LMAN1: variants seen among roughly 807,000 people sequenced by gnomAD.
The protein encoded by LMAN1 is protein ERGIC-53.
Under a neutral mutation model 67.8 loss-of-function variants are expected in LMAN1, and 32 were observed. The observed-to-expected ratio is 0.47, with a 90% confidence interval of 0.36 to 0.63. The LOEUF is 0.63. LMAN1 is among the 30% of genes least tolerant of loss of function. LMAN1 has a pLI of 0.00. For synonymous variants in LMAN1, 235 were observed against 219.3 expected (o/e 1.07, Z -0.63); for missense variants, 632 against 628.2 (o/e 1.01, Z -0.06).
At chr18:59,338,728 A>C (rs1008050264) in intron 9 of LMAN1, 32 bp downstream of exon 9, 2 of 1,612,112 alleles carry the variant, frequency 1.2e-6, no homozygotes, top group African/African-American at 1.3e-5. Flanking sequence ...CAAAGGGTAA[A>C]TGGGGCACAT....
chr18:59,353,146 G>T, intron 5 of LMAN1, 56 bp downstream of exon 5: 1 of 1,422,846 alleles, frequency 7.0e-7, no homozygotes, highest in South Asian at 1.1e-5. Flanking sequence ...AATTCAAAAT[G>T]AAAAGTGATA....
chr18:59,347,028 A>G (rs771235703), intron 7 of LMAN1, among the ~76,000 whole-genome samples: 36 of 151,888 alleles, frequency 2.4e-4, no homozygotes, highest in Non-Finnish European at 4.9e-4. Flanking sequence ...CAGGAGATCG[A>G]GACCATCCTG....
In LMAN1 at chr18:59,349,195, A is replaced by G; in HGVS notation, c.681T>C (p.Tyr227=). The change falls in exon 6 of 13, where the codon TAT becomes TAC. Residue 227 remains tyrosine, a synonymous_variant. Transcript: ENST00000251047. Reference sequence around the variant, plus strand: ...TATTTTCCACTTTGGCACAAAATTCATAATCATTTTTATCTGGTGTAAAGC... The same window carrying G: ...TATTTTCCACTTTGGCACAAAATTCGTAATCATTTTTATCTGGTGTAAAGC... ...NNGFTPDKND[Y]EFCAKVENMI... The G allele has an allele frequency of 1.2e-6, 2 of 1,613,638 alleles. No homozygotes were observed. Among genetic ancestry groups the G allele is most frequent in the African/African-American group, 1.3e-5 (1 of 75,040 alleles).
chr18:59,333,266 T>TA, intron 10 of LMAN1, 22 bp from the exon 11 acceptor site: 1 of 1,607,704 alleles, frequency 6.2e-7, no homozygotes, highest in Non-Finnish European at 8.5e-7. Context: ...AGTCTCTTGA[T>TA]ACAATAAAAT....
chr18:59,339,758 GC>G (rs1908246182), intron 8 of LMAN1, among the ~76,000 whole-genome samples: 1 of 152,098 alleles, frequency 6.6e-6, no homozygotes, highest in African/African-American at 2.4e-5. Flanking sequence ...GGTCCCTCCT[GC>G]CTTGCTGAAG....
rs368119592 is a variant in LMAN1 at position 59,345,129 on chromosome 18, A to G, written c.955+790T>C. 8.2e-4 allele frequency among the ~76,000 whole-genome samples: 125 copies of G among 152,330 alleles called. 1 individual carries two copies. The East Asian group carries it at 0.016, about 19-fold the overall frequency. On this transcript the variant is annotated intron_variant, in intron 8 of 12. Transcript: ENST00000251047. ...CAAATTCAAAATAAGAATGACCTTT[A>G]TGTTTCATTTTTAAATTCATTAAGT...
intron 10 of LMAN1, chr18:59,333,531 G>T: frequency 3.2e-6 from 1 of 315,622 alleles, no homozygotes; most frequent in Non-Finnish European, 5.9e-6. Context: ...TGAATATAAT[G>T]GATGATATTT....
chr18:59,352,957 C>T (rs970735436), intron 5 of LMAN1: 13 of 429,028 alleles, frequency 3.0e-5, no homozygotes, highest in African/African-American at 2.6e-4. Context: ...ATATATATCT[C>T]TCACATGTGC....
At chr18:59,345,764 G>T (rs1258806062) in intron 8 of LMAN1, among the ~76,000 whole-genome samples, 155 bp downstream of exon 8, 1 of 152,110 alleles carries the variant, frequency 6.6e-6, no homozygotes, top group Non-Finnish European at 1.5e-5. Context: ...GACTCTTAAA[G>T]ACTAAAGATT....
At chr18:59,346,669 C>T (rs1300245923) in intron 7 of LMAN1, among the ~76,000 whole-genome samples, 1 of 151,408 alleles carries the variant, frequency 6.6e-6, no homozygotes, top group Non-Finnish European at 1.5e-5. Context: ...TATAGGTGTG[C>T]ACCACCACAC....
chr18:59,333,082 C>G lies in LMAN1; in HGVS notation c.1374+9G>C. ...TTATAATTATAAAAGGAAAAGGAAACAAAGTTACCATATTTCGCTGCACTA... is the reference window on the plus strand; with the variant it reads ...TTATAATTATAAAAGGAAAAGGAAAGAAAGTTACCATATTTCGCTGCACTA... On this transcript the variant is annotated intron_variant, in intron 11 of 12. Transcript: ENST00000251047. The G allele has an allele frequency of 6.2e-7, 1 of 1,609,512 alleles. No individual in the cohort carries two copies. The highest frequency in any genetic ancestry group is 1.3e-5 in the African/African-American group (1 of 74,874).
chr18:59,344,924 G>C (rs776952157), intron 8 of LMAN1, among the ~76,000 whole-genome samples: 4 of 152,194 alleles, frequency 2.6e-5, no homozygotes, highest in Non-Finnish European at 4.4e-5. Flanking sequence ...CTGTGGAGAA[G>C]GTTGTTGACT....
intron 1 of LMAN1, 37 bp from the exon 2 acceptor site, chr18:59,355,695 T>C (rs1289978393): frequency 1.2e-6 from 2 of 1,602,382 alleles, no homozygotes; most frequent in South Asian, 2.2e-5. Flanking sequence ...CTTTAAGTTA[T>C]AATTAGGTAA....
chr18:59,345,379 T>C (rs1453249702), intron 8 of LMAN1, among the ~76,000 whole-genome samples: 1 of 152,216 alleles, frequency 6.6e-6, no homozygotes, highest in Non-Finnish European at 1.5e-5. Context: ...TAGTATTTTA[T>C]AATTTTCAAG....
rs866194383 is a variant in LMAN1 at position 59,334,293 on chromosome 18, C to T, written c.1221-1049G>A. Among the ~76,000 whole-genome samples, 100 of 152,272 alleles carry T rather than the reference C, an allele frequency of 6.6e-4. 1 individual carries two copies. The highest frequency in any genetic ancestry group is 2.3e-3 in the African/African-American group (97 of 41,564). On this transcript the variant is annotated intron_variant, in intron 10 of 12. Transcript: ENST00000251047. ...TTCATTCATTTGCCTGTTCATTCTG[C>T]TAACATTTATTTCATAAGTGCTGTG...
chr18:59,335,205 G>A (rs865883660), intron 10 of LMAN1, among the ~76,000 whole-genome samples: 13 of 152,178 alleles, frequency 8.5e-5, no homozygotes, highest in East Asian at 7.7e-4. Context: ...AGGCCAAGGC[G>A]CGTGGATCAC....
intron 10 of LMAN1, among the ~76,000 whole-genome samples, chr18:59,335,472 T>C (rs1055359809): frequency 1.2e-4 from 17 of 142,050 alleles, no homozygotes; most frequent in Non-Finnish European, 2.3e-4. Flanking sequence ...AAAAAGAAAA[T>C]ACGTATATGC....
chr18:59,338,710 C>T, intron 9 of LMAN1, 50 bp downstream of exon 9: 7 of 1,608,974 alleles, frequency 4.4e-6, no homozygotes, highest in Non-Finnish European at 6.0e-6. Context: ...TCTTTACTTC[C>T]CTTCCAGCAA....
Position 59,359,203 on chromosome 18 carries a change from C to T in LMAN1, c.42G>A (p.Arg14=). ...SRQRGLRARV[R]PLFCALLLSL... is the part of the protein sequence containing the mutation. ...ACAGCAGCAAGGCGCAGAACAGCGG[C>T]CGAACTCTGGCCCGGAGACCCCTTT... Residue 14 remains arginine, a synonymous_variant, in exon 1 of 13, where the codon CGG becomes CGA. Coordinates refer to ENST00000251047, the MANE Select transcript of LMAN1 (RefSeq NM_005570.4). 12 of 1,613,986 alleles carry T rather than the reference C, an allele frequency of 7.4e-6. No individual in the cohort carries two copies. The highest frequency in any genetic ancestry group is 1.0e-5 in the Non-Finnish European group (12 of 1,179,912).
Sources: allele counts gnomAD v4.1 joint callset (sites outside exome capture counted in the v4.1 genomes callset), GRCh38; gene constraint gnomAD v4.1.1; transcripts MANE v1.5; gene names NCBI Gene and HGNC (gene_info 2026-07-23, HGNC 2026-07-21).